The following FHAD1 variants were observed in gnomAD, a reference collection of about 807,000 sequenced individuals.
The protein encoded by FHAD1 is forkhead associated phosphopeptide binding domain 1.
A neutral mutation model predicts 191.3 loss-of-function variants in FHAD1; 146 were observed. The observed-to-expected ratio is 0.76, with a 90% CI of 0.67 to 0.88. FHAD1 has a LOEUF of 0.88. Ranked by LOEUF, FHAD1 falls within the 40% of genes least tolerant of loss-of-function variation. The pLI is 0.00. For synonymous variants in FHAD1, 616 were observed against 672.3 expected (o/e 0.92, Z 1.29); for missense variants, 1,635 against 1,785.8 (o/e 0.92, Z 1.52).
In FHAD1 at chr1:15,329,055, C is replaced by G. The variant is rs946312944; in HGVS notation, c.1711-291C>G. 1.2e-5 allele frequency: 3 copies of G among 246,248 alleles called. No individual in the cohort carries two copies. Among genetic ancestry groups the G allele is most frequent in the Admixed American group, 5.2e-5 (1 of 19,374 alleles). The allele number at this position is 246,248 out of a possible 1,614,324, so 15.3% of individuals were successfully genotyped here. A position where few individuals can be genotyped will look rare whatever the true frequency, so the allele number is the denominator to read the frequency against. On this transcript the variant is annotated intron_variant, in intron 13 of 33. Transcript: ENST00000688493. This position sits in a 1 kb window ranked among gnomAD's most constrained non-coding sequence, Gnocchi z 5.0. ...CTGACGAATGGAAAAAAGAAGTAGC[C>G]ACATTTGCTTCTCATTGCAGCCAAA...
intron 8 of FHAD1, among the ~76,000 whole-genome samples, chr1:15,315,626 C>T (rs1034637158): frequency 6.6e-6 from 1 of 151,842 alleles, no homozygotes; most frequent in African/African-American, 2.4e-5. Flanking sequence ...GCTGGGACTA[C>T]AGGCGCCCGC....
Position 15,301,226 on chromosome 1 carries a change from G to C in FHAD1, c.700G>C (p.Gly234Arg). The change falls in exon 6 of 34, where the codon GGA becomes CGA. Residue 234 changes from glycine to arginine, a missense_variant. Transcript: ENST00000688493. ...QDKDEIILLL[G>R]KEVSRLSDYE... ...CCAGGATGAAATAATTCTGCTGCTG[G>C]GAAAAGAGGTCAGCCGTCTCTCAGA... 1 of 1,551,652 alleles carries C rather than the reference G, an allele frequency of 6.4e-7. No individual in the cohort carries two copies. Among genetic ancestry groups the C allele is most frequent in the Non-Finnish European group, 8.7e-7 (1 of 1,147,000 alleles).
intron 6 of FHAD1, chr1:15,305,664 GC>G: frequency 3.2e-6 from 1 of 310,488 alleles, no homozygotes. Context: ...TATTTCCTGT[GC>G]TGTTCTCGTT....
At chr1:15,257,488 T>C (rs1557931283) in intron 2 of FHAD1, among the ~76,000 whole-genome samples, 1 of 152,204 alleles carries the variant, frequency 6.6e-6, no homozygotes, top group Non-Finnish European at 1.5e-5. Flanking sequence ...CTGGGGGATG[T>C]CCAGCCACCT....
chr1:15,324,843 G>T (rs1286868942), intron 11 of FHAD1: 1 of 467,346 alleles, frequency 2.1e-6, no homozygotes, highest in East Asian at 3.7e-5. Flanking sequence ...AGTTAACCGA[G>T]CTCCTTGCCC....
intron 28 of FHAD1, 107 bp downstream of exon 28, chr1:15,375,837 G>A: frequency 7.9e-7 from 1 of 1,264,078 alleles, no homozygotes; most frequent in East Asian, 2.6e-5. Flanking sequence ...CAGTGGTTTG[G>A]GGCTGGCTGC....
chr1:15,363,524 T>A (rs1039479700), intron 23 of FHAD1, among the ~76,000 whole-genome samples: 1 of 152,196 alleles, frequency 6.6e-6, no homozygotes, highest in Non-Finnish European at 1.5e-5. Context: ...AGGCTGTACA[T>A]GCCTAGTGCT....
At chr1:15,315,503 T>G (rs569486306) in intron 8 of FHAD1, among the ~76,000 whole-genome samples, 1 of 147,572 alleles carries the variant, frequency 6.8e-6, no homozygotes, top group East Asian at 2.0e-4. Flanking sequence ...TTTTTTTTTT[T>G]GAGATGGAGT....
Position 15,289,786 on chromosome 1 carries a change from A to G in FHAD1, c.568+120A>G. On this transcript the variant is annotated intron_variant, in intron 4 of 33. Transcript: ENST00000688493. The surrounding 1 kb of genome is among the most constrained non-coding windows in gnomAD (Gnocchi z 4.2). The stretch of plus-strand genomic sequence containing the variant: ...ACATATTCAATTGTAAAAAATGAAA[A>G]TAAATTCAGGATAAGCAGAAAGTAA... 1 of 1,388,748 alleles carries G rather than the reference A, an allele frequency of 7.2e-7. No individual in the cohort carries two copies. Among genetic ancestry groups the G allele is most frequent in the Non-Finnish European group, 9.5e-7 (1 of 1,053,906 alleles). The allele number at this position is 1,388,748 out of a possible 1,614,324, so 86.0% of individuals were successfully genotyped here. A position where few individuals can be genotyped will look rare whatever the true frequency, so the allele number is the denominator to read the frequency against.
intron 4 of FHAD1, among the ~76,000 whole-genome samples, chr1:15,295,901 T>C (rs1436067120): frequency 2.0e-5 from 3 of 152,240 alleles, no homozygotes; most frequent in African/African-American, 7.2e-5. Context: ...AAAACTGTAC[T>C]TTCAGTCATA....
chr1:15,328,978 A>T (rs1489456609), intron 13 of FHAD1: 1 of 170,610 alleles, frequency 5.9e-6, no homozygotes, highest in East Asian at 1.6e-4. Flanking sequence ...ACTCTTTCAA[A>T]TCAGGAAACC....
intron 6 of FHAD1, among the ~76,000 whole-genome samples, chr1:15,308,228 T>A (rs1331929950): frequency 1.3e-5 from 2 of 152,214 alleles, no homozygotes; most frequent in South Asian, 2.1e-4. Context: ...GAATTAATTT[T>A]ATAACATGCT....
At position 15,349,102 on chromosome 1, in the gene FHAD1, A is replaced by G; in HGVS notation, c.2407A>G (p.Lys803Glu). The change falls in exon 19 of 34, where the codon AAG (lysine) becomes GAG (glutamate). Residue 803 changes from lysine (K) to glutamate (E), a missense_variant. By Grantham distance (56) the Lys-to-Glu change is moderately conservative. Transcript: ENST00000688493. ...RKAKEALESE[K>E]RKVQDLENHL... ...AGCAAAGGAAGCCTTGGAGTCGGAA[A>G]AGAGAAAAGTTCAGGATCTGGAGAA... 6.4e-7 allele frequency: 1 copy of G among 1,551,770 alleles called. No individual in the cohort carries two copies. The highest frequency in any genetic ancestry group is 8.7e-7 in the Non-Finnish European group (1 of 1,147,012).
chr1:15,382,085 T>G lies in FHAD1; in HGVS notation c.4080T>G (p.Asp1360Glu). ...CGCAGGTGGCAAAGCTGGAGGATGA[T>G]ATCTACAAAGAGGCCGAAGAGAAGG... Reference protein sequence around the residue: ...YQSQVAKLEDDIYKEAEEKAL... With the variant: ...YQSQVAKLEDEIYKEAEEKAL... Residue 1360 changes from aspartate to glutamate, a missense_variant, in exon 31 of 34, where the codon GAT becomes GAG. Coordinates refer to ENST00000688493, the MANE Select transcript of FHAD1 (RefSeq NM_001391957.1). The G allele has an allele frequency of 1.3e-6, 2 of 1,552,110 alleles. No homozygotes were observed. The highest frequency in any genetic ancestry group is 2.4e-5 in the South Asian group (2 of 84,060).
At chr1:15,374,854 T>G (rs76821031) in intron 27 of FHAD1, among the ~76,000 whole-genome samples, 33,874 of 129,920 alleles carry the variant, frequency 0.26, 4,265 homozygotes, top group African/African-American at 0.4. Context: ...GTACGTTTTT[T>G]TTTTTGTTTG....
At chr1:15,336,561 T>C (rs1238037634) in intron 14 of FHAD1, among the ~76,000 whole-genome samples, 2 of 152,182 alleles carry the variant, frequency 1.3e-5, no homozygotes, top group African/African-American at 4.8e-5. Flanking sequence ...TCTTTTCCTC[T>C]TAGTTCCTTC....
At chr1:15,244,408 C>T (rs75367058), upstream of FHAD1, among the ~76,000 whole-genome samples, 1,045 of 152,270 alleles carry the variant, frequency 6.9e-3, 32 homozygotes, top group East Asian at 0.093. This position sits in a 1 kb window ranked among gnomAD's most constrained non-coding sequence, Gnocchi z 5.1. Flanking sequence ...TGGGCTGTTC[C>T]AGCTCATGGC....
chr1:15,268,389 C>T (rs1196872767), intron 2 of FHAD1, among the ~76,000 whole-genome samples: 1 of 150,356 alleles, frequency 6.7e-6, no homozygotes. Flanking sequence ...TTAATCCAGT[C>T]TATCATTGTT....
At chr1:15,296,646 T>A in intron 4 of FHAD1, 38 bp from the exon 5 acceptor site, 1 of 1,507,840 alleles carries the variant, frequency 6.6e-7, no homozygotes. Context: ...GGGAAACTCA[T>A]GATGTCTTTT....
Sources: gnomAD v4.1 joint callset for allele counts (sites outside exome capture counted in the v4.1 genomes callset) on GRCh38, gnomAD v4.1.1 for gene constraint, Gnocchi (gnomAD v3.1) non-coding constraint, MANE v1.5 for transcripts, NCBI Gene and HGNC (gene_info 2026-07-23, HGNC 2026-07-21) for gene names.